ME3: variants seen among roughly 807,000 people sequenced by gnomAD.
The protein encoded by ME3 is malic enzyme 3, also known as NADP-dependent malic enzyme, mitochondrial.
Under a neutral mutation model 68.9 loss-of-function variants are expected in ME3, and 48 were observed. The ratio of observed to expected loss-of-function variants is 0.70; its 90% CI spans 0.55 to 0.89. The LOEUF is 0.89. Ranked by LOEUF, ME3 falls within the 40% of genes least tolerant of loss-of-function variation. The pLI is 0.00. For missense variants in ME3, 675 were observed against 797.4 expected, an observed-to-expected ratio of 0.85 and a Z score of 1.85; for synonymous variants, 320 against 318.8, an observed-to-expected ratio of 1.00 and a Z score of -0.04.
intron 4 of ME3, among the ~76,000 whole-genome samples, chr11:86,538,097 A>G (rs1565921006): frequency 6.6e-6 from 1 of 152,180 alleles, no homozygotes. Flanking sequence ...ACTCCTGCAG[A>G]TACCTGTTGC....
chr11:86,666,944 A>C (rs909639508), intron 2 of ME3, among the ~76,000 whole-genome samples: 1 of 152,254 alleles, frequency 6.6e-6, no homozygotes, highest in Admixed American at 6.5e-5. Flanking sequence ...GAACAAAATC[A>C]TATACTTTAT....
chr11:86,591,950 T>G (rs1959088395), intron 2 of ME3, among the ~76,000 whole-genome samples: 1 of 152,170 alleles, frequency 6.6e-6, no homozygotes, highest in Non-Finnish European at 1.5e-5. Context: ...TCCAGAACTG[T>G]GAGAAAATAA....
At chr11:86,556,570 C>G (rs140830503) in exon 4 of ME3, 2 of 1,613,988 alleles carry the variant, frequency 1.2e-6, no homozygotes, top group Non-Finnish European at 1.7e-6. Flanking sequence ...TGCGGAAAGT[C>G]AGGCCATAGT....
At chr11:86,657,682 T>C (rs950359713) in intron 2 of ME3, among the ~76,000 whole-genome samples, 1 of 152,202 alleles carries the variant, frequency 6.6e-6, no homozygotes, top group African/African-American at 2.4e-5. Flanking sequence ...TATTAACTTG[T>C]GACCAAACTA....
In ME3 at chr11:86,670,614, A is replaced by AT. The variant is rs200423099; in HGVS notation, c.183+1147dup. ...TCCAATGTGATAGAGGTTGATTTTG[A>AT]TTTTTTTTTCCTTAGCCGCTTCTAT... On this transcript the variant is annotated intron_variant, in intron 2 of 14. Transcript: ENST00000543262. Among the ~76,000 whole-genome samples the AT allele has an allele frequency of 4.1e-3, 618 of 151,748 alleles. 6 individuals are homozygous for AT. Among genetic ancestry groups the AT allele is most frequent in the African/African-American group, 0.014 (580 of 41,376 alleles).
intron 4 of ME3, among the ~76,000 whole-genome samples, chr11:86,521,427 A>AATAAT (rs1954290901): frequency 7.4e-6 from 1 of 134,838 alleles, no homozygotes; most frequent in Admixed American, 7.2e-5. Flanking sequence ...ACAAAACAAA[A>AATAAT]CAAAAATAAT....
At chr11:86,457,543 C>T in intron 8 of ME3, 2 of 1,153,416 alleles carry the variant, frequency 1.7e-6, no homozygotes, top group Middle Eastern at 2.5e-4. Flanking sequence ...GGTTCTTAAG[C>T]TCCAAATTAC....
chr11:86,490,793 A>G (rs1273848160), intron 6 of ME3, among the ~76,000 whole-genome samples: 1 of 152,218 alleles, frequency 6.6e-6, no homozygotes, highest in Non-Finnish European at 1.5e-5. Context: ...TATAATTTGG[A>G]ATGTTGCCAA....
At chr11:86,616,050 C>T (rs1010602409) in intron 2 of ME3, among the ~76,000 whole-genome samples, 7 of 152,142 alleles carry the variant, frequency 4.6e-5, no homozygotes, top group Non-Finnish European at 1.0e-4. Flanking sequence ...TAAGACAGTA[C>T]ATATATTGTT....
intron 2 of ME3, among the ~76,000 whole-genome samples, chr11:86,628,792 G>C (rs1229749289): frequency 6.6e-6 from 1 of 152,180 alleles, no homozygotes; most frequent in Non-Finnish European, 1.5e-5. Flanking sequence ...CACTGGGTAG[G>C]CCTTGACTCA....
chr11:86,528,067 G>C (rs964677761), intron 4 of ME3, among the ~76,000 whole-genome samples: 3 of 152,180 alleles, frequency 2.0e-5, no homozygotes, highest in African/African-American at 7.2e-5. Flanking sequence ...TGGCAAATTG[G>C]ATAAAGAGTC....
At chr11:86,628,315 G>A (rs1943792384) in intron 2 of ME3, among the ~76,000 whole-genome samples, 1 of 152,182 alleles carries the variant, frequency 6.6e-6, no homozygotes, top group South Asian at 2.1e-4. Flanking sequence ...GGAGCCACTG[G>A]AGCCTGTTCT....
At chr11:86,613,471 G>T (rs372614705) in intron 2 of ME3, among the ~76,000 whole-genome samples, 1 of 152,128 alleles carries the variant, frequency 6.6e-6, no homozygotes, top group African/African-American at 2.4e-5. Flanking sequence ...TCCGACCAGG[G>T]CATCAGGCAA....
chr11:86,471,141 CTTTTTT>C (rs1163128094), intron 7 of ME3, among the ~76,000 whole-genome samples: 2 of 75,042 alleles, frequency 2.7e-5, no homozygotes, highest in East Asian at 4.1e-4. Flanking sequence ...AGGCCCAGAG[CTTTTTT>C]TTTTTTTTTT....
chr11:86,593,061 G>A (rs1439439515), intron 2 of ME3, among the ~76,000 whole-genome samples: 3 of 152,176 alleles, frequency 2.0e-5, no homozygotes, highest in Admixed American at 2.0e-4. Context: ...TATGAAAAGA[G>A]AACAAAGAAG....
intron 6 of ME3, among the ~76,000 whole-genome samples, chr11:86,491,479 C>CT (rs1240014716): frequency 6.6e-6 from 1 of 152,196 alleles, no homozygotes. Flanking sequence ...AGAGGAAAGG[C>CT]TGTGTATACA....
intron 4 of ME3, among the ~76,000 whole-genome samples, chr11:86,529,110 C>T (rs532229125): frequency 1.7e-4 from 26 of 151,842 alleles, no homozygotes; most frequent in Non-Finnish European, 3.4e-4. Flanking sequence ...AGACTGCTAG[C>T]GAGACTAATA....
chr11:86,667,842 G>A (rs1480607525), intron 2 of ME3: 1 of 152,156 alleles, frequency 6.6e-6, no homozygotes, highest in African/African-American at 2.4e-5. Flanking sequence ...TCCTATGAAG[G>A]TAACCCTGTG....
chr11:86,476,775 C>CATACTTTA (rs1951104237), intron 7 of ME3, among the ~76,000 whole-genome samples: 1 of 152,164 alleles, frequency 6.6e-6, no homozygotes, highest in African/African-American at 2.4e-5. Flanking sequence ...ACTAATTGCA[C>CATACTTTA]ATACCAGGGA....
Sources: gnomAD v4.1 joint callset for allele counts (sites outside exome capture counted in the v4.1 genomes callset) on GRCh38, gnomAD v4.1.1 for gene constraint, MANE v1.5 for transcripts, NCBI Gene and HGNC (gene_info 2026-07-23, HGNC 2026-07-21) for gene names.